The following SOX6 variants were observed in gnomAD, a reference collection of about 807,000 sequenced individuals.
The protein encoded by SOX6 is transcription factor SOX-6.
SOX6 carries 11 observed loss-of-function variants against 97.8 expected under a neutral mutation model. That is an observed-to-expected ratio of 0.11 (90% confidence interval 0.07 to 0.19). SOX6 has a LOEUF of 0.19. Ranked by LOEUF, SOX6 falls within the 10% of genes least tolerant of loss-of-function variation. SOX6 has a pLI of 1.00. For synonymous variants in SOX6, 360 were observed against 371.4 expected (o/e 0.97, Z 0.35); for missense variants, 810 against 1,039.5 (o/e 0.78, Z 3.04).
At chr11:16,325,528 T>A (rs748249210) in intron 2 of SOX6, among the ~76,000 whole-genome samples, 6 of 151,870 alleles carry the variant, frequency 4.0e-5, no homozygotes, top group Non-Finnish European at 7.4e-5. Context: ...CAGAAAAAAA[T>A]AGTAATTTAA....
chr11:16,145,733 A>T (rs1296766826), intron 6 of SOX6, among the ~76,000 whole-genome samples: 5 of 152,198 alleles, frequency 3.3e-5, no homozygotes, highest in Admixed American at 3.3e-4. Context: ...CCAAATCATG[A>T]GTGAACTCCC....
intron 1 of SOX6, among the ~76,000 whole-genome samples, chr11:16,414,565 T>TAA (rs1032941863): frequency 6.6e-6 from 1 of 150,844 alleles, no homozygotes. Context: ...CCTGCAAGTT[T>TAA]AAAAAAAAAC....
chr11:16,402,883 T>A (rs560307623), intron 1 of SOX6: 2 of 1,518,484 alleles, frequency 1.3e-6, no homozygotes, highest in South Asian at 1.2e-5. Flanking sequence ...TACACTCAGT[T>A]GGGCTGAATT....
chr11:15,987,441 A>T (rs1853890336), intron 14 of SOX6, among the ~76,000 whole-genome samples: 1 of 152,168 alleles, frequency 6.6e-6, no homozygotes, highest in Non-Finnish European at 1.5e-5. Context: ...GCCCCAATTA[A>T]CGAAGAATTC....
intron 2 of SOX6, among the ~76,000 whole-genome samples, chr11:16,324,737 T>C (rs570234060): frequency 6.6e-5 from 10 of 152,284 alleles, no homozygotes; most frequent in South Asian, 2.1e-4. Flanking sequence ...GTATACACAA[T>C]GGAATATTAT....
At chr11:16,167,302 C>T (rs1478119497) in intron 6 of SOX6, among the ~76,000 whole-genome samples, 1 of 152,146 alleles carries the variant, frequency 6.6e-6, no homozygotes, top group African/African-American at 2.4e-5. Context: ...ATCTCGTTGG[C>T]TTTGCTCTTA....
chr11:16,114,379 G>T (rs1054588522), intron 6 of SOX6, among the ~76,000 whole-genome samples: 1 of 152,088 alleles, frequency 6.6e-6, no homozygotes, highest in Admixed American at 6.5e-5. Context: ...AAAAACTGAA[G>T]CTAATTATAA....
intron 13 of SOX6, among the ~76,000 whole-genome samples, chr11:16,014,006 T>A (rs1854809632): frequency 6.6e-6 from 1 of 152,048 alleles, no homozygotes; most frequent in African/African-American, 2.4e-5. Context: ...AGCTGGGACC[T>A]GAGATGGGTG....
At chr11:16,429,678 G>C (rs1859229851) in intron 1 of SOX6, among the ~76,000 whole-genome samples, 1 of 152,098 alleles carries the variant, frequency 6.6e-6, no homozygotes, top group South Asian at 2.1e-4. Context: ...GCCTATCAGA[G>C]GGTGGAGGGT....
rs1012192924 is a variant in SOX6, at chr11:16,300,255, G to A, written c.445+18191C>T. Among the ~76,000 whole-genome samples the A allele has an allele frequency of 5.3e-5, 8 of 151,978 alleles. No homozygotes were observed. In the South Asian group the frequency reaches 1.7e-3, roughly 32 times the overall value. ...TAAACCAAATACTGAGCTGAGCAGGGATTAAAAAAAAGGACTTATACAAAT... is the reference window on the plus strand; with the variant it reads ...TAAACCAAATACTGAGCTGAGCAGGAATTAAAAAAAAGGACTTATACAAAT... On this transcript the variant is annotated intron_variant, in intron 3 of 15. Coordinates refer to ENST00000683767, the MANE Select transcript of SOX6 (RefSeq NM_001367873.1). The surrounding 1 kb of genome is among the most constrained non-coding windows in gnomAD (Gnocchi z 4.1).
At chr11:16,549,735 T>A (rs1025694113) in intron 4 of SOX6, among the ~76,000 whole-genome samples, 2 of 152,088 alleles carry the variant, frequency 1.3e-5, no homozygotes, top group African/African-American at 4.8e-5. Context: ...TTGTCACACA[T>A]CCATATATTG....
chr11:16,002,716 A>G (rs911635144), intron 13 of SOX6, among the ~76,000 whole-genome samples: 22 of 152,182 alleles, frequency 1.4e-4, no homozygotes, highest in African/African-American at 5.3e-4. Context: ...AGGTTCAAGA[A>G]GATGCCCTTG....
rs1274525366 is a variant in SOX6 at position 16,256,576 on chromosome 11, TA to T, written c.446-21906del. On this transcript the variant is annotated intron_variant, in intron 3 of 15. Transcript: ENST00000683767. ...TCCTCAACTTGGTAAAGAACATCTATAAAAAACATTGAGCTAACATCACATG... is the reference window on the plus strand; with the variant it reads ...TCCTCAACTTGGTAAAGAACATCTATAAAAACATTGAGCTAACATCACATG... Among the ~76,000 whole-genome samples the T allele has an allele frequency of 2.0e-5, 3 of 152,028 alleles. No homozygotes were observed. In the South Asian group the frequency reaches 6.2e-4, roughly 31 times the overall value.
At chr11:16,126,475 C>T (rs1849617130) in intron 6 of SOX6, among the ~76,000 whole-genome samples, 1 of 152,076 alleles carries the variant, frequency 6.6e-6, no homozygotes, top group African/African-American at 2.4e-5. Context: ...GACTACTTCC[C>T]TGCTCTACAA....
At chr11:16,168,033 C>A (rs1850930635) in intron 6 of SOX6, among the ~76,000 whole-genome samples, 1 of 152,018 alleles carries the variant, frequency 6.6e-6, no homozygotes, top group Admixed American at 6.6e-5. Context: ...CAATAGGACA[C>A]CATTGGAGAT....
intron 1 of SOX6, among the ~76,000 whole-genome samples, chr11:16,410,929 T>C (rs1434419561): frequency 1.3e-5 from 2 of 150,844 alleles, no homozygotes; most frequent in Non-Finnish European, 2.9e-5. Flanking sequence ...TGCATATGAC[T>C]ACTATGTGAT....
chr11:16,183,836 G>C (rs1445663052), intron 6 of SOX6, 50 bp downstream of exon 6: 1 of 1,553,492 alleles, frequency 6.4e-7, no homozygotes, highest in Non-Finnish European at 8.9e-7. Flanking sequence ...CCATTTTCAA[G>C]GAGGAAAGTA....
intron 15 of SOX6, among the ~76,000 whole-genome samples, chr11:15,985,356 T>C (rs1386417146): frequency 6.6e-6 from 1 of 152,108 alleles, no homozygotes; most frequent in Non-Finnish European, 1.5e-5. Context: ...CCCTCTTGCT[T>C]ACTCTGCTTC....
intron 1 of SOX6, among the ~76,000 whole-genome samples, chr11:16,461,288 TC>T (rs1175671995): frequency 6.6e-6 from 1 of 151,770 alleles, no homozygotes; most frequent in Non-Finnish European, 1.5e-5. Flanking sequence ...TTTGCAGTAG[TC>T]CTCACAAGTT....
Sources: gnomAD v4.1 joint callset for allele counts (sites outside exome capture counted in the v4.1 genomes callset) on GRCh38, gnomAD v4.1.1 for gene constraint, Gnocchi (gnomAD v3.1) non-coding constraint, MANE v1.5 for transcripts, NCBI Gene and HGNC (gene_info 2026-07-23, HGNC 2026-07-21) for gene names.